G2E3: variants seen among roughly 807,000 people sequenced by gnomAD.
G2E3 encodes the protein G2/M-phase specific E3 ubiquitin protein ligase, also known as G2/M phase-specific E3 ubiquitin-protein ligase.
G2E3 carries 35 observed loss-of-function variants against 92.8 expected under a neutral mutation model. The observed-to-expected ratio is 0.38, with a 90% confidence interval of 0.29 to 0.50. The LOEUF (loss-of-function observed/expected upper bound fraction) is 0.50. Ranked by LOEUF, G2E3 falls within the 20% of genes least tolerant of loss-of-function variation. The pLI is 0.94. For missense variants in G2E3, 554 were observed against 823.8 expected (o/e 0.67, Z 4.01); for synonymous variants, 242 against 272.4 (o/e 0.89, Z 1.10).
intron 6 of G2E3, among the ~76,000 whole-genome samples, chr14:30,596,880 C>G (rs930742091): frequency 6.6e-6 from 1 of 152,178 alleles, no homozygotes; most frequent in Non-Finnish European, 1.5e-5. Context: ...GGGACTGGCT[C>G]TTCTTTCCAG....
At chr14:30,607,346 A>C (rs1178734794) in intron 11 of G2E3, among the ~76,000 whole-genome samples, 1 of 152,134 alleles carries the variant, frequency 6.6e-6, no homozygotes, top group Non-Finnish European at 1.5e-5. Flanking sequence ...TACTTACGCA[A>C]ACCTAGTTGG....
intron 1 of G2E3, chr14:30,560,320 T>G (rs1254164402): frequency 6.5e-6 from 1 of 153,406 alleles, no homozygotes; most frequent in Non-Finnish European, 1.5e-5. Context: ...TAAGTTCCTT[T>G]TAAGGTTTTA....
chr14:30,563,355 G>T (rs138290102), intron 1 of G2E3, among the ~76,000 whole-genome samples: 2 of 152,244 alleles, frequency 1.3e-5, no homozygotes, highest in East Asian at 3.9e-4. Flanking sequence ...CCAGTAGGTA[G>T]GGTTGGTCTA....
At chr14:30,597,242 G>T (rs897732447) in intron 6 of G2E3, among the ~76,000 whole-genome samples, 178 bp from the exon 7 acceptor site, 2 of 151,986 alleles carry the variant, frequency 1.3e-5, no homozygotes, top group African/African-American at 4.8e-5. Context: ...TTGGAAAAAA[G>T]AATTATAGAT....
In G2E3 at chr14:30,618,072, A is replaced by C. The variant is rs1882399463; in HGVS notation, c.*1538A>C. The C allele has an allele frequency of 6.6e-6, 1 of 152,132 alleles. No homozygotes were observed. The highest frequency in any genetic ancestry group is 2.4e-5 in the African/African-American group (1 of 41,454). The allele number at this position is 152,132 out of a possible 1,614,324, so 9.4% of individuals were successfully genotyped here. A position where few individuals can be genotyped will look rare whatever the true frequency, so the allele number is the denominator to read the frequency against. ...TTAAGTAACAGAATAGATTTGAAAGAGATAATATATCTCTTAATACCAAAG... is the reference window on the plus strand; with the variant it reads ...TTAAGTAACAGAATAGATTTGAAAGCGATAATATATCTCTTAATACCAAAG... On this transcript the variant is annotated 3_prime_UTR_variant, in exon 15 of 15. Transcript: ENST00000206595.
intron 1 of G2E3, among the ~76,000 whole-genome samples, chr14:30,562,878 A>G (rs964414091): frequency 6.6e-6 from 1 of 152,228 alleles, no homozygotes; most frequent in Non-Finnish European, 1.5e-5. Context: ...GCTGCCAGGC[A>G]GGGAAGGGCC....
chr14:30,582,153 A>G (rs73264330), intron 2 of G2E3, among the ~76,000 whole-genome samples: 2,555 of 152,338 alleles, frequency 0.017, 91 homozygotes, highest in African/African-American at 0.058. Context: ...AAATGCAAAT[A>G]CACATCTACT....
In G2E3 at chr14:30,615,447, C is replaced by G; in HGVS notation, c.1772C>G (p.Ser591Cys). 1.2e-6 allele frequency: 2 copies of G among 1,611,422 alleles called. No homozygotes were observed. The highest frequency in any genetic ancestry group is 1.3e-5 in the African/African-American group (1 of 74,962). Residue 591 changes from serine (S) to cysteine (C), a missense_variant, in exon 14 of 15, where the codon TCT becomes TGT. Ser to Cys is a moderately radical substitution (Grantham distance 112). Coordinates refer to ENST00000206595, the MANE Select transcript of G2E3 (RefSeq NM_017769.5). ...SILCHKPESL[S>C]AKILSELFTV... is the part of the protein sequence containing the mutation. ...CTGTGTCATAAACCTGAGAGTCTTT[C>G]TGCAAAAATCCTTAGTGAGCTTTTT...
chr14:30,605,417 C>T, intron 10 of G2E3, 88 bp from the exon 11 acceptor site: 1 of 496,128 alleles, frequency 2.0e-6, no homozygotes, highest in Non-Finnish European at 3.6e-6. Context: ...TTTTTTTCCC[C>T]TCGTCTTGTT....
chr14:30,579,329 T>C (rs1880296868), intron 1 of G2E3, among the ~76,000 whole-genome samples: 1 of 152,202 alleles, frequency 6.6e-6, no homozygotes, highest in Middle Eastern at 3.2e-3. Context: ...ATACCAATCT[T>C]AATGGCATAG....
intron 1 of G2E3, among the ~76,000 whole-genome samples, chr14:30,565,973 T>C (rs1418216638): frequency 6.6e-6 from 1 of 152,100 alleles, no homozygotes. Flanking sequence ...TTCATTCTTA[T>C]TTACATGGCT....
intron 1 of G2E3, among the ~76,000 whole-genome samples, chr14:30,565,875 G>T (rs1879402317): frequency 6.6e-6 from 1 of 151,672 alleles, no homozygotes; most frequent in Non-Finnish European, 1.5e-5. Context: ...TGTTATCCAG[G>T]ATGGTCTTGA....
At chr14:30,564,801 T>G (rs1157262657) in intron 1 of G2E3, among the ~76,000 whole-genome samples, 2 of 152,248 alleles carry the variant, frequency 1.3e-5, no homozygotes. Flanking sequence ...CAGTACTTTA[T>G]TCCTTTTTAT....
At chr14:30,562,336 A>G (rs1047759497) in intron 1 of G2E3, among the ~76,000 whole-genome samples, 1 of 152,232 alleles carries the variant, frequency 6.6e-6, no homozygotes, top group East Asian at 1.9e-4. Flanking sequence ...CTTTATTCCA[A>G]TATTATAATA....
rs1395153124 is a variant in G2E3 at position 30,591,203 on chromosome 14, C to T, written c.238-1120C>T. Among the ~76,000 whole-genome samples, 6 of 152,192 alleles carry T rather than the reference C, an allele frequency of 3.9e-5. No individual in the cohort carries two copies. The East Asian group carries it at 7.7e-4, about 20-fold the overall frequency. On this transcript the variant is annotated intron_variant, in intron 4 of 14. Coordinates refer to ENST00000206595, the MANE Select transcript of G2E3 (RefSeq NM_017769.5). ...TGTTGTCAGTTCATTGGGAGAGTTT[C>T]GGGTTGGCAGGTATTCTCCAGTGAC...
At chr14:30,605,015 G>T (rs757104750) in intron 10 of G2E3, among the ~76,000 whole-genome samples, 2 of 152,138 alleles carry the variant, frequency 1.3e-5, no homozygotes, top group African/African-American at 2.4e-5. Context: ...TCCTGCCTCA[G>T]CCTCCTGAGT....
At chr14:30,583,851 GA>G (rs1287758199) in intron 2 of G2E3, among the ~76,000 whole-genome samples, 1 of 152,164 alleles carries the variant, frequency 6.6e-6, no homozygotes, top group African/African-American at 2.4e-5. Flanking sequence ...TGTGTGTTGG[GA>G]GGGGTGGATA....
At chr14:30,615,932 G>A (rs1882292178) in intron 14 of G2E3, among the ~76,000 whole-genome samples, 1 of 152,120 alleles carries the variant, frequency 6.6e-6, no homozygotes, top group African/African-American at 2.4e-5. Context: ...CATTAGCAGT[G>A]TAAAATCATT....
chr14:30,569,741 A>AGGG (rs529230723), intron 1 of G2E3, among the ~76,000 whole-genome samples: 1 of 151,754 alleles, frequency 6.6e-6, no homozygotes, highest in African/African-American at 2.4e-5. Flanking sequence ...CAGCTGGTGA[A>AGGG]GGGGGGGGAT....
Sources: gnomAD v4.1 joint callset for allele counts (sites outside exome capture counted in the v4.1 genomes callset) on GRCh38, gnomAD v4.1.1 for gene constraint, MANE v1.5 for transcripts, NCBI Gene and HGNC (gene_info 2026-07-23, HGNC 2026-07-21) for gene names.